The following SLCO4A1 variants were observed in gnomAD, a reference collection of about 807,000 sequenced individuals.
The protein encoded by SLCO4A1 is solute carrier organic anion transporter family member 4A1, also known as colon organic anion transporter.
In SLCO4A1, 51 loss-of-function variants were observed where a neutral mutation model predicts 64.6. The ratio of observed to expected loss-of-function variants is 0.79; its 90% CI spans 0.63 to 1.00. The LOEUF (loss-of-function observed/expected upper bound fraction) is 1.00, where lower values mean the gene tolerates loss of function less well. Among genes scored for constraint, SLCO4A1 ranks in the 50% least tolerant of loss-of-function variants. The probability of loss-of-function intolerance (pLI) is 0.00; values close to 1 mark genes in which losing one functional copy is unlikely to be tolerated. For missense variants in SLCO4A1, 919 were observed against 980.5 expected (o/e 0.94, Z 0.84); for synonymous variants, 471 against 444.9 (o/e 1.06, Z -0.74).
chr20:62,678,855 A>C (rs2147114422), intron 2 of SLCO4A1, among the ~76,000 whole-genome samples: 1 of 152,310 alleles, frequency 6.6e-6, no homozygotes, highest in East Asian at 1.9e-4. Context: ...TCCAAAAGGC[A>C]AAGCTGCAGG....
At chr20:62,657,800 G>C (rs1364619655) in intron 2 of SLCO4A1, among the ~76,000 whole-genome samples, 1 of 152,256 alleles carries the variant, frequency 6.6e-6, no homozygotes, top group African/African-American at 2.4e-5. Flanking sequence ...AGCCACATAG[G>C]GGTGTGGAAA....
chr20:62,687,997 C>G (rs892638522), downstream of SLCO4A1, among the ~76,000 whole-genome samples: 2 of 151,738 alleles, frequency 1.3e-5, no homozygotes, highest in Non-Finnish European at 2.9e-5. Context: ...TCATTGCCTT[C>G]CAGGTCCCAG....
chr20:62,687,766 C>T (rs944552273), downstream of SLCO4A1, among the ~76,000 whole-genome samples: 10 of 152,298 alleles, frequency 6.6e-5, no homozygotes, highest in Admixed American at 5.2e-4. Flanking sequence ...GCTGGGGCCG[C>T]GGGTCCCATG....
downstream of SLCO4A1, among the ~76,000 whole-genome samples, chr20:62,689,537 G>A (rs1039441702): frequency 2.6e-5 from 4 of 152,230 alleles, no homozygotes; most frequent in Non-Finnish European, 5.9e-5. Context: ...GGTCCCTACG[G>A]GGGACGTGGC....
intron 1 of SLCO4A1, among the ~76,000 whole-genome samples, chr20:62,643,852 C>T (rs546512263): frequency 6.6e-6 from 1 of 152,328 alleles, no homozygotes; most frequent in East Asian, 1.9e-4. Context: ...AGCATCGTCT[C>T]ATTCAGTCCC....
rs191610302 is a variant in SLCO4A1 at position 62,642,984 on chromosome 20, G to C, written c.-97+431G>C. The C allele has an allele frequency of 4.5e-5, 21 of 469,714 alleles. No individual in the cohort carries two copies. In the Middle Eastern group the frequency reaches 1.0e-3, roughly 22 times the overall value. 29.1% of individuals were successfully genotyped at this position (469,714 alleles called of 1,614,324 possible). On this transcript the variant is annotated intron_variant, in intron 1 of 11. Coordinates refer to ENST00000217159, the MANE Select transcript of SLCO4A1 (RefSeq NM_016354.4). ...TCCAGCTGGGGACGAACGCGCCTCC[G>C]CGGAGCTCCAGAGTTGCGGAGTCAC...
In SLCO4A1 at chr20:62,668,637, C is replaced by T. The variant is rs548129495; in HGVS notation, c.1876+96C>T. 14 of 1,213,732 alleles carry T rather than the reference C, an allele frequency of 1.2e-5. No homozygotes were observed. The East Asian group carries it at 1.6e-4, about 14-fold the overall frequency. The allele number at this position is 1,213,732 out of a possible 1,614,324, so 75.2% of individuals were successfully genotyped here. ...TCTAACCACCAAGGGGATGTGCTTC[C>T]CAGCAGGAGGCTGTTCCCGCCTGGG... On this transcript the variant is annotated intron_variant, in intron 10 of 11. Coordinates refer to ENST00000217159, the MANE Select transcript of SLCO4A1 (RefSeq NM_016354.4).
rs1224942113 is a variant in SLCO4A1, at chr20:62,645,467, A to C, written c.-97+2914A>C. On this transcript the variant is annotated intron_variant, in intron 1 of 11. Transcript: ENST00000217159. This position sits in a 1 kb window ranked among gnomAD's most constrained non-coding sequence, Gnocchi z 4.2. ...GAGGGTGAGGGTGCGGGTGAGGATGAGGGTGCGGGTGAGGACCCACCCACA... is the reference window on the plus strand; with the variant it reads ...GAGGGTGAGGGTGCGGGTGAGGATGCGGGTGCGGGTGAGGACCCACCCACA... Among the ~76,000 whole-genome samples the C allele has an allele frequency of 6.9e-6, 1 of 144,836 alleles. No individual in the cohort carries two copies. The highest frequency in any genetic ancestry group is 1.5e-5 in the Non-Finnish European group (1 of 65,822).
At chr20:62,674,309 G>A (rs1049373801), downstream of SLCO4A1, among the ~76,000 whole-genome samples, 10 of 152,166 alleles carry the variant, frequency 6.6e-5, no homozygotes, top group African/African-American at 1.2e-4. Flanking sequence ...TGGGGCCCTC[G>A]GGGAGACTCA....
chr20:62,654,969 T>C (rs2147073645), intron 1 of SLCO4A1, among the ~76,000 whole-genome samples: 1 of 152,282 alleles, frequency 6.6e-6, no homozygotes, highest in East Asian at 1.9e-4. Context: ...CACATCCACA[T>C]TCCCTTTTTA....
At chr20:62,682,035 G>A (rs549658601) in intron 2 of SLCO4A1, among the ~76,000 whole-genome samples, 9 of 152,160 alleles carry the variant, frequency 5.9e-5, no homozygotes, top group African/African-American at 1.4e-4. Context: ...GCCCTCAGCC[G>A]GGCCCCGTAA....
intron 3 of SLCO4A1, among the ~76,000 whole-genome samples, chr20:62,659,316 G>A (rs1200262006): frequency 6.6e-6 from 1 of 152,078 alleles, no homozygotes; most frequent in African/African-American, 2.4e-5. Flanking sequence ...CTGACCGCCA[G>A]TGCTCTGTGG....
downstream of SLCO4A1, among the ~76,000 whole-genome samples, chr20:62,673,691 C>A (rs567901076): frequency 5.8e-5 from 7 of 119,810 alleles, 2 homozygotes; most frequent in East Asian, 1.7e-3. Context: ...TGCCTACGGT[C>A]GGCAAGAAAC....
downstream of SLCO4A1, among the ~76,000 whole-genome samples, chr20:62,689,792 G>A (rs1286497070): frequency 6.6e-6 from 1 of 152,246 alleles, no homozygotes; most frequent in African/African-American, 2.4e-5. Flanking sequence ...CCTGGCAGGG[G>A]GATCCACATC....
chr20:62,666,253 T>C (rs1220559497), intron 6 of SLCO4A1, 127 bp from the exon 7 acceptor site: 1 of 734,468 alleles, frequency 1.4e-6, no homozygotes, highest in East Asian at 2.7e-5. Flanking sequence ...AGTGCTGCCA[T>C]GCAGGCAGGA....
intron 2 of SLCO4A1, among the ~76,000 whole-genome samples, chr20:62,678,891 A>G (rs1987707029): frequency 6.6e-6 from 1 of 152,164 alleles, no homozygotes; most frequent in Non-Finnish European, 1.5e-5. Context: ...AGCCGTTGCC[A>G]GGGGCTGGGG....
At position 62,645,559 on chromosome 20, in the gene SLCO4A1, C is replaced by A. The variant is rs1178996110; in HGVS notation, c.-97+3006C>A. On this transcript the variant is annotated intron_variant, in intron 1 of 11. Coordinates refer to ENST00000217159, the MANE Select transcript of SLCO4A1 (RefSeq NM_016354.4). This position sits in a 1 kb window ranked among gnomAD's most constrained non-coding sequence, Gnocchi z 4.2. The stretch of plus-strand genomic sequence containing the variant: ...AGTCCTCAGACACTGGGGTCTCCGG[C>A]TGTCTCCAACCCTTCAGTTCTTTTC... 2.0e-5 allele frequency among the ~76,000 whole-genome samples: 3 copies of A among 151,310 alleles called. No individual in the cohort carries two copies.
At chr20:62,680,189 T>A (rs1290604005) in intron 2 of SLCO4A1, among the ~76,000 whole-genome samples, 1 of 152,212 alleles carries the variant, frequency 6.6e-6, no homozygotes, top group Non-Finnish European at 1.5e-5. Flanking sequence ...TCTGCTGGTG[T>A]ATAGAGATGA....
chr20:62,671,863 C>T lies in SLCO4A1; in HGVS notation c.2139C>T (p.Ala713=), dbSNP rs368175064. The T allele has an allele frequency of 1.2e-6, 2 of 1,613,026 alleles. No individual in the cohort carries two copies. The highest frequency in any genetic ancestry group is 1.7e-6 in the Non-Finnish European group (2 of 1,180,038). The change falls in exon 12 of 12, where the codon GCC becomes GCT. Residue 713 remains alanine, a synonymous_variant. Transcript: ENST00000217159. ...LPSQSSAPDS[A]TDSQLQSSV is the part of the protein sequence containing the mutation. ...GCCAGTCCTCAGCCCCTGACAGTGC[C>T]ACAGATAGCCAGCTCCAGAGCAGCG...
Sources: allele counts gnomAD v4.1 joint callset (sites outside exome capture counted in the v4.1 genomes callset), GRCh38; gene constraint gnomAD v4.1.1; non-coding constraint Gnocchi (gnomAD v3.1); transcripts MANE v1.5; gene names NCBI Gene and HGNC (gene_info 2026-07-23, HGNC 2026-07-21).